CLHC1: variants seen among roughly 807,000 people sequenced by gnomAD.
The protein encoded by CLHC1 is clathrin heavy chain linker domain containing 1, also known as clathrin heavy chain linker domain-containing protein 1.
In CLHC1, 72 loss-of-function variants were observed where a neutral mutation model predicts 69.5. The observed-to-expected ratio is 1.04, with a 90% CI of 0.86 to 1.26. The LOEUF is 1.26. Among genes scored for constraint, CLHC1 ranks in the 50% most tolerant of loss-of-function variants. CLHC1 has a pLI of 0.00. For missense variants in CLHC1, 790 were observed against 679.3 expected, an observed-to-expected ratio of 1.16 and a Z score of -1.81; for synonymous variants, 223 against 224.3, an observed-to-expected ratio of 0.99 and a Z score of 0.05.
chr2:55,231,143 G>C (rs375483160), intron 1 of CLHC1, among the ~76,000 whole-genome samples: 1 of 151,876 alleles, frequency 6.6e-6, no homozygotes, highest in Non-Finnish European at 1.5e-5. Context: ...CCAGCTACTC[G>C]GGAGGCTGAG....
chr2:55,191,445 A>G (rs1221816808), intron 9 of CLHC1, among the ~76,000 whole-genome samples: 3 of 152,296 alleles, frequency 2.0e-5, no homozygotes, highest in African/African-American at 7.2e-5. Context: ...CATGTTGGCC[A>G]GGCTGGTCTC....
chr2:55,218,030 AT>A (rs573577436), intron 3 of CLHC1, 32 bp from the exon 4 acceptor site: 45 of 1,220,924 alleles, frequency 3.7e-5, no homozygotes, highest in South Asian at 4.6e-5. Flanking sequence ...TATGGTATTG[AT>A]TTTTTTTCTA....
Position 55,175,281 on chromosome 2 carries a change from T to C in CLHC1, c.*509A>G, listed in dbSNP as rs1023642339. The C allele has an allele frequency of 1.3e-5, 2 of 152,886 alleles. No homozygotes were observed. Among genetic ancestry groups the C allele is most frequent in the African/African-American group, 4.8e-5 (2 of 41,462 alleles). The allele number at this position is 152,886 out of a possible 1,614,324, so 9.5% of individuals were successfully genotyped here. A position where few individuals can be genotyped will look rare whatever the true frequency, so the allele number is the denominator to read the frequency against. ...AGAAGCCTAAGCTTTGCCATATTTA[T>C]ATATATCAAAGCATGGGGCGCATCT... On this transcript the variant is annotated 3_prime_UTR_variant, in exon 13 of 13. Coordinates refer to ENST00000401408, the MANE Select transcript of CLHC1 (RefSeq NM_152385.4).
In CLHC1 at chr2:55,222,352, G is replaced by GC. The variant is rs1558516447; in HGVS notation, c.59_60insG (p.Asp20GlufsTer17). 38 of 1,613,580 alleles carry GC rather than the reference G, an allele frequency of 2.4e-5. No individual in the cohort carries two copies. In the Admixed American group the frequency reaches 6.0e-4, roughly 26 times the overall value. On this transcript the variant is annotated frameshift_variant, in exon 3 of 13. Transcript: ENST00000401408. LOFTEE classifies it high-confidence loss of function. ...TTTGCACACTTTCCAAAAATTCCTT[G>GC]TCACTTCTACAAATGATAGGTGGGA... is the stretch of plus-strand genomic sequence containing the variant.
At chr2:55,216,102 C>A (rs1454602469) in intron 4 of CLHC1, 1 of 128,700 alleles carries the variant, frequency 7.8e-6, no homozygotes, top group Non-Finnish European at 1.6e-5. Context: ...TGGTGAAACC[C>A]CATCTCTACT....
rs1669241238 is a variant in CLHC1 at position 55,174,787 on chromosome 2, T to C, written c.*1003A>G. 6.6e-6 allele frequency: 1 copy of C among 152,196 alleles called. No homozygotes were observed. The highest frequency in any genetic ancestry group is 6.5e-5 in the Admixed American group (1 of 15,282). The allele number at this position is 152,196 out of a possible 1,614,324, so 9.4% of individuals were successfully genotyped here. On this transcript the variant is annotated 3_prime_UTR_variant, in exon 13 of 13. Transcript: ENST00000401408. ...TTTTACTTGAAATTTTTTTTTCTTT[T>C]TTTAATAACAGAGACGGGATCTCAC...
intron 9 of CLHC1, among the ~76,000 whole-genome samples, chr2:55,182,814 A>AT (rs1670052550): frequency 6.6e-6 from 1 of 152,032 alleles, no homozygotes; most frequent in South Asian, 2.1e-4. Context: ...AGGCTCTCTC[A>AT]GAGAGGTCTG....
rs769268457 is a variant in CLHC1, at chr2:55,217,827, T to G, written c.349A>C (p.Ile117Leu). The G allele has an allele frequency of 1.3e-6, 2 of 1,542,296 alleles. No individual in the cohort carries two copies. The highest frequency in any genetic ancestry group is 4.8e-5 in the East Asian group (2 of 41,554). The change falls in exon 4 of 13, where the codon ATC (isoleucine) becomes CTC (leucine). Residue 117 changes from isoleucine (I) to leucine (L), a missense_variant. Ile to Leu is a conservative substitution (Grantham distance 5). Transcript: ENST00000401408. ...TALVYYRKRT[I>L]QLEAKMRIIE... ...AATACTTACTTTGCTTCAAGTTGGA[T>G]TGTTCTTTTCCTGTAATATACCAAA...
In CLHC1 at chr2:55,174,203, T is replaced by C. The variant is rs1320159291; in HGVS notation, c.*1587A>G. ...AATTGCTTTTTAAACTATGCACATG[T>C]ATTACTTTAAAAATGCTACGTTTTA... is the stretch of plus-strand genomic sequence containing the variant. On this transcript the variant is annotated 3_prime_UTR_variant, in exon 13 of 13. Transcript: ENST00000401408. Among the ~76,000 whole-genome samples, 1 of 152,196 alleles carries C rather than the reference T, an allele frequency of 6.6e-6. No homozygotes were observed. The highest frequency in any genetic ancestry group is 2.4e-5 in the African/African-American group (1 of 41,446).
intron 3 of CLHC1, among the ~76,000 whole-genome samples, chr2:55,219,087 T>C (rs1673861503): frequency 1.3e-5 from 2 of 152,174 alleles, no homozygotes; most frequent in Non-Finnish European, 2.9e-5. Flanking sequence ...TTACTACCTA[T>C]CCACCCAAAT....
intron 9 of CLHC1, among the ~76,000 whole-genome samples, chr2:55,190,048 A>T (rs1320127971): frequency 5.9e-5 from 9 of 151,908 alleles, no homozygotes; most frequent in African/African-American, 1.9e-4. Context: ...TTAAGGTAAA[A>T]TTCTTTTTTT....
chr2:55,204,349 G>A (rs555539251), intron 9 of CLHC1, among the ~76,000 whole-genome samples: 14 of 152,278 alleles, frequency 9.2e-5, no homozygotes, highest in Non-Finnish European at 1.9e-4. Flanking sequence ...TGGCAACCAG[G>A]CATATGAAAA....
intron 11 of CLHC1, among the ~76,000 whole-genome samples, chr2:55,178,356 G>C (rs922560900): frequency 2.0e-5 from 3 of 152,218 alleles, no homozygotes; most frequent in Admixed American, 2.0e-4. Flanking sequence ...CAAGTAGCCA[G>C]AGGTGGAACC....
At chr2:55,195,604 C>T (rs952725105) in intron 9 of CLHC1, among the ~76,000 whole-genome samples, 11 of 152,060 alleles carry the variant, frequency 7.2e-5, no homozygotes, top group African/African-American at 2.7e-4. Flanking sequence ...GAATTCGAGA[C>T]CAGCCTGGCC....
At chr2:55,207,718 G>A (rs1573705961) in intron 8 of CLHC1, among the ~76,000 whole-genome samples, 1 of 152,052 alleles carries the variant, frequency 6.6e-6, no homozygotes, top group Admixed American at 6.5e-5. Flanking sequence ...GAGCAACTGT[G>A]AGGGGAAAAA....
rs76525007 is a variant in CLHC1 at position 55,185,842 on chromosome 2, C to T, written c.1007-4098G>A. On this transcript the variant is annotated intron_variant, in intron 9 of 12. Coordinates refer to ENST00000401408, the MANE Select transcript of CLHC1 (RefSeq NM_152385.4). ...TTTCTGAAAATGTTATAGGAAAATA[C>T]TGCTGTGAACATTATTTTATTAGAA... Among the ~76,000 whole-genome samples the T allele has an allele frequency of 2.5e-3, 376 of 152,262 alleles. 1 individual carries two copies. Among genetic ancestry groups the T allele is most frequent in the African/African-American group, 8.5e-3 (352 of 41,544 alleles).
intron 9 of CLHC1, among the ~76,000 whole-genome samples, chr2:55,195,990 G>A (rs1007338166): frequency 7.9e-5 from 12 of 152,152 alleles, no homozygotes; most frequent in African/African-American, 2.9e-4. Context: ...CCATCCTTTG[G>A]CAGTGGCCAC....
chr2:55,227,481 C>A (rs1040536817), intron 2 of CLHC1, among the ~76,000 whole-genome samples: 2 of 152,008 alleles, frequency 1.3e-5, no homozygotes, highest in African/African-American at 4.8e-5. Context: ...AGTTCAAGAC[C>A]AGTCTGACCA....
At chr2:55,218,055 T>G (rs1673755853) in intron 3 of CLHC1, 57 bp from the exon 4 acceptor site, 1 of 876,178 alleles carries the variant, frequency 1.1e-6, no homozygotes, top group Non-Finnish European at 1.6e-6. Context: ...GGCTATGGAT[T>G]GAAATTCTTG....
Sources: gnomAD v4.1 joint callset for allele counts (sites outside exome capture counted in the v4.1 genomes callset) on GRCh38, gnomAD v4.1.1 for gene constraint, MANE v1.5 for transcripts, NCBI Gene and HGNC (gene_info 2026-07-23, HGNC 2026-07-21) for gene names.